Variants in CASK observed in about 807,000 individuals in gnomAD.
CASK encodes calcium/calmodulin dependent serine protein kinase, also known as peripheral plasma membrane protein CASK.
In CASK, 4 loss-of-function variants were observed where a neutral mutation model predicts 82.9. That is an observed-to-expected ratio of 0.05 (90% CI 0.02 to 0.11). The LOEUF (loss-of-function observed/expected upper bound fraction) is 0.11, where lower values mean the gene tolerates loss of function less well. Among genes scored for constraint, CASK ranks in the 10% least tolerant of loss-of-function variants. The pLI is 1.00. For missense variants in CASK, 358 were observed against 720.9 expected, an observed-to-expected ratio of 0.50 and a Z score of 5.76; for synonymous variants, 259 against 253.5, an observed-to-expected ratio of 1.02 and a Z score of -0.20.
At chrX:41,565,696 A>T (rs1602271112) in intron 16 of CASK, among the ~76,000 whole-genome samples, 1 of 111,958 alleles carries the variant, frequency 8.9e-6, no homozygotes, top group Non-Finnish European at 1.9e-5. Flanking sequence ...AAACTATTCC[A>T]ATCAACAGAA....
At chrX:41,572,304 C>G (rs2065424266) in intron 15 of CASK, among the ~76,000 whole-genome samples, 1 of 110,106 alleles carries the variant, frequency 9.1e-6, no homozygotes, top group African/African-American at 3.4e-5. Context: ...GTTTTACAAG[C>G]AGAACATGAT....
chrX:41,876,790 T>C (rs2071832635), intron 1 of CASK, among the ~76,000 whole-genome samples: 1 of 112,179 alleles, frequency 8.9e-6, no homozygotes, highest in Non-Finnish European at 1.9e-5. Flanking sequence ...ACTAAAAATA[T>C]CTTGTTCCTA....
intron 3 of CASK, among the ~76,000 whole-genome samples, chrX:41,758,333 G>A (rs1363778997): frequency 1.8e-5 from 2 of 108,561 alleles, no homozygotes; most frequent in Non-Finnish European, 3.8e-5. Flanking sequence ...TATTCGGGAG[G>A]CTGAGGCAGT....
intron 1 of CASK, among the ~76,000 whole-genome samples, chrX:41,869,385 A>ATC (rs1431845184): frequency 1.8e-5 from 2 of 111,945 alleles, no homozygotes; most frequent in Non-Finnish European, 3.8e-5. Context: ...TTTAAATCTT[A>ATC]AAGTTGGATT....
At chrX:41,721,972 T>G (rs62589161) in intron 5 of CASK, among the ~76,000 whole-genome samples, 1 of 112,396 alleles carries the variant, frequency 8.9e-6, no homozygotes, top group Non-Finnish European at 1.9e-5. Context: ...ATCTGCTCAA[T>G]TTCCAGAGAC....
intron 5 of CASK, among the ~76,000 whole-genome samples, chrX:41,733,685 C>T (rs890273081): frequency 6.4e-5 from 7 of 109,925 alleles, no homozygotes; most frequent in African/African-American, 2.3e-4. Context: ...GGAGGTTGAG[C>T]TTGCAGTGAG....
chrX:41,902,592 A>G (rs1173425208), intron 1 of CASK, among the ~76,000 whole-genome samples: 1 of 112,337 alleles, frequency 8.9e-6, no homozygotes, highest in Admixed American at 9.4e-5. Context: ...ATGTAAAGTA[A>G]CATACTCACA....
chrX:41,645,124 T>C (rs751144972), intron 8 of CASK, among the ~76,000 whole-genome samples: 38 of 111,249 alleles, frequency 3.4e-4, no homozygotes, highest in African/African-American at 1.2e-3. Flanking sequence ...TTGCTAGTTT[T>C]TGTGGCTTGA....
chrX:41,697,311 GGAAA>G (rs1200069913), intron 5 of CASK: 1 of 122,823 alleles, frequency 8.1e-6, no homozygotes, highest in Non-Finnish European at 1.9e-5. Context: ...AGATAAAAAG[GGAAA>G]GAATTTAAAT....
At chrX:41,717,233 C>T (rs1334020050) in intron 5 of CASK, among the ~76,000 whole-genome samples, 1 of 112,328 alleles carries the variant, frequency 8.9e-6, no homozygotes, top group East Asian at 2.8e-4. Flanking sequence ...TCTGTGTGCT[C>T]TCGCCATTGC....
chrX:41,857,501 C>CAATA lies in CASK; in HGVS notation c.60-4278_60-4275dup, dbSNP rs545899869. Among the ~76,000 whole-genome samples the CAATA allele has an allele frequency of 3.6e-5, 4 of 111,667 alleles. No homozygotes were observed. In the South Asian group the frequency reaches 1.5e-3, roughly 42 times the overall value. On this transcript the variant is annotated intron_variant, in intron 1 of 26. Transcript: ENST00000378163. ...AGCAACTTAGAGGAAACACACTACA[C>CAATA]AATAAGACTTCAAATTACCATTAAT...
intron 14 of CASK, among the ~76,000 whole-genome samples, chrX:41,581,740 GTATATA>G (rs763246347): frequency 2.3e-4 from 24 of 103,775 alleles, no homozygotes; most frequent in Non-Finnish European, 4.3e-4. Flanking sequence ...ATTTAATATA[GTATATA>G]TATATATATA....
intron 2 of CASK, among the ~76,000 whole-genome samples, chrX:41,794,843 A>G (rs1448665707): frequency 8.9e-6 from 1 of 112,648 alleles, no homozygotes; most frequent in African/African-American, 3.2e-5. Flanking sequence ...ATACTTTCAT[A>G]ATTGTGTTAT....
At chrX:41,690,690 T>C (rs1339849201) in intron 5 of CASK, among the ~76,000 whole-genome samples, 1 of 104,112 alleles carries the variant, frequency 9.6e-6, no homozygotes, top group African/African-American at 3.5e-5. Flanking sequence ...TTCTTTTTTT[T>C]TGAGACAAGG....
At chrX:41,843,272 C>T (rs1374799515) in intron 2 of CASK, among the ~76,000 whole-genome samples, 1 of 111,734 alleles carries the variant, frequency 8.9e-6, no homozygotes, top group African/African-American at 3.2e-5. Flanking sequence ...TATCTTACAA[C>T]ATTAAATATA....
chrX:41,791,043 A>G (rs1486195506), intron 2 of CASK, among the ~76,000 whole-genome samples: 1 of 111,664 alleles, frequency 9.0e-6, no homozygotes, highest in Admixed American at 9.5e-5. Context: ...CCTGGGAATG[A>G]CATGACCCAG....
chrX:41,824,008 T>C (rs1487778347), intron 2 of CASK, among the ~76,000 whole-genome samples: 1 of 112,128 alleles, frequency 8.9e-6, no homozygotes, highest in African/African-American at 3.2e-5. Context: ...CATTTATATT[T>C]CAAAAGTTAC....
At chrX:41,612,229 C>G (rs12399908) in intron 11 of CASK, among the ~76,000 whole-genome samples, 15,174 of 103,756 alleles carry the variant, frequency 0.15, 901 homozygotes, top group Middle Eastern at 0.19. Flanking sequence ...ATCTCTGCCC[C>G]GCCGCCATCC....
chrX:41,770,317 C>CTACCT (rs2069215387), intron 3 of CASK, among the ~76,000 whole-genome samples: 1 of 89,140 alleles, frequency 1.1e-5, no homozygotes, highest in African/African-American at 4.2e-5. Flanking sequence ...CCTACCTATC[C>CTACCT]ATCCATCCAT....
Sources: allele counts gnomAD v4.1 joint callset (sites outside exome capture counted in the v4.1 genomes callset), GRCh38; gene constraint gnomAD v4.1.1; transcripts MANE v1.5; gene names NCBI Gene and HGNC (gene_info 2026-07-23, HGNC 2026-07-21).